SGCZ: variants seen among roughly 807,000 people sequenced by gnomAD.
SGCZ encodes the protein sarcoglycan zeta.
SGCZ carries 40 observed loss-of-function variants against 41.3 expected under a neutral mutation model. The ratio of observed to expected loss-of-function variants is 0.97; its 90% CI spans 0.75 to 1.26. SGCZ has a LOEUF of 1.26. Among genes scored for constraint, SGCZ ranks in the 50% most tolerant of loss-of-function variants. The probability of loss-of-function intolerance (pLI) is 0.00; values close to 1 mark genes in which losing one functional copy is unlikely to be tolerated. For missense variants in SGCZ, 552 were observed against 369.8 expected (o/e 1.49, Z -4.04); for synonymous variants, 206 against 137.5 (o/e 1.50, Z -3.49).
At chr8:14,584,769 A>G (rs1392457217) in intron 1 of SGCZ, among the ~76,000 whole-genome samples, 3 of 152,104 alleles carry the variant, frequency 2.0e-5, no homozygotes, top group African/African-American at 7.2e-5. Context: ...AACAGTTATT[A>G]AACACATTTT....
intron 2 of SGCZ, among the ~76,000 whole-genome samples, chr8:14,469,821 G>A (rs1384853465): frequency 6.6e-6 from 1 of 152,160 alleles, no homozygotes; most frequent in Non-Finnish European, 1.5e-5. Context: ...AGCTTCTGAA[G>A]AGCTGAACAC....
At chr8:14,219,931 A>G (rs1806134830) in intron 4 of SGCZ, among the ~76,000 whole-genome samples, 1 of 152,216 alleles carries the variant, frequency 6.6e-6, no homozygotes, top group Non-Finnish European at 1.5e-5. Context: ...CCCTAAGCAC[A>G]GATTTTAATC....
chr8:14,542,599 C>T (rs945527961), intron 2 of SGCZ, among the ~76,000 whole-genome samples: 1 of 152,018 alleles, frequency 6.6e-6, no homozygotes, highest in African/African-American at 2.4e-5. Flanking sequence ...TATTTCTGAA[C>T]TAGGGGCAGT....
intron 2 of SGCZ, among the ~76,000 whole-genome samples, chr8:14,502,927 G>A (rs1390832242): frequency 2.0e-5 from 3 of 152,120 alleles, no homozygotes; most frequent in East Asian, 1.9e-4. Context: ...CCATTTGACC[G>A]AGTAATCTCG....
intron 2 of SGCZ, among the ~76,000 whole-genome samples, chr8:14,350,715 G>C (rs756866610): frequency 6.6e-6 from 1 of 151,964 alleles, no homozygotes; most frequent in Non-Finnish European, 1.5e-5. Flanking sequence ...TCTGTCCAAT[G>C]CTCCTTCTTT....
chr8:15,007,173 A>C (rs1159664613), intron 1 of SGCZ, among the ~76,000 whole-genome samples: 1 of 152,206 alleles, frequency 6.6e-6, no homozygotes, highest in African/African-American at 2.4e-5. Flanking sequence ...AAGCTCCATT[A>C]TATAGTTAAT....
chr8:14,190,605 C>CT (rs1296497157), intron 4 of SGCZ, among the ~76,000 whole-genome samples: 2 of 151,446 alleles, frequency 1.3e-5, no homozygotes, highest in African/African-American at 2.4e-5. Flanking sequence ...CTCTTAATTT[C>CT]TTTTTTTGTT....
At chr8:14,930,429 G>C (rs1445174964) in intron 1 of SGCZ, among the ~76,000 whole-genome samples, 1 of 152,050 alleles carries the variant, frequency 6.6e-6, no homozygotes, top group Non-Finnish European at 1.5e-5. Context: ...ACAGTGTGGA[G>C]ATTCCTCAAG....
At chr8:14,497,341 G>A (rs1482066477) in intron 2 of SGCZ, among the ~76,000 whole-genome samples, 1 of 152,096 alleles carries the variant, frequency 6.6e-6, no homozygotes, top group Non-Finnish European at 1.5e-5. Flanking sequence ...AGAGAAAGAA[G>A]GGAGAGGTCC....
intron 3 of SGCZ, among the ~76,000 whole-genome samples, chr8:14,306,243 A>G (rs1448405079): frequency 6.6e-6 from 1 of 152,198 alleles, no homozygotes; most frequent in African/African-American, 2.4e-5. Flanking sequence ...AAAGCAAAAT[A>G]TTAAATTCAA....
At chr8:14,412,094 T>G (rs1405829234) in intron 2 of SGCZ, among the ~76,000 whole-genome samples, 3 of 152,122 alleles carry the variant, frequency 2.0e-5, no homozygotes, top group Admixed American at 6.6e-5. Flanking sequence ...AAGATTGATT[T>G]GCAGAAAAGA....
chr8:14,710,369 CAAAAAA>C (rs770994264), intron 1 of SGCZ, among the ~76,000 whole-genome samples: 50 of 92,406 alleles, frequency 5.4e-4, no homozygotes, highest in African/African-American at 1.6e-3. Context: ...GACTCCGCAT[CAAAAAA>C]AAAAAAAAAA....
At chr8:15,088,136 A>T (rs1306114846) in intron 1 of SGCZ, among the ~76,000 whole-genome samples, 1 of 152,162 alleles carries the variant, frequency 6.6e-6, no homozygotes, top group Non-Finnish European at 1.5e-5. Context: ...GCAGTGCAAT[A>T]TGCATGATAC....
intron 1 of SGCZ, among the ~76,000 whole-genome samples, chr8:14,754,640 G>C (rs1053895089): frequency 1.9e-4 from 29 of 152,164 alleles, no homozygotes; most frequent in Non-Finnish European, 1.5e-5. Flanking sequence ...TATAATTGCA[G>C]AATAAATAAT....
Position 14,816,342 on chromosome 8 carries a change from C to A in SGCZ, c.40-261416G>T, listed in dbSNP as rs115649594. ...TTACCAGCCCACAGTTCCTTAAAAA[C>A]TTTTACAACACTTTGACAATTAGTT... On this transcript the variant is annotated intron_variant, in intron 1 of 7. Coordinates refer to ENST00000382080, the MANE Select transcript of SGCZ (RefSeq NM_139167.4). Among the ~76,000 whole-genome samples the A allele has an allele frequency of 7.8e-3, 1,193 of 152,290 alleles. 15 individuals are homozygous for A. The highest frequency in any genetic ancestry group is 0.027 in the African/African-American group (1,114 of 41,552).
At chr8:14,857,047 T>A (rs1563318924) in intron 1 of SGCZ, among the ~76,000 whole-genome samples, 2 of 152,130 alleles carry the variant, frequency 1.3e-5, no homozygotes, top group Non-Finnish European at 2.9e-5. Flanking sequence ...TTCTCATGAA[T>A]GGTTTAGCAC....
At chr8:14,157,341 T>TGC (rs1491017484) in intron 5 of SGCZ, among the ~76,000 whole-genome samples, 1 of 63,450 alleles carries the variant, frequency 1.6e-5, no homozygotes, top group African/African-American at 4.7e-5. Flanking sequence ...TGCCTCTGTG[T>TGC]GTGTGTGTGT....
intron 1 of SGCZ, among the ~76,000 whole-genome samples, chr8:14,620,486 A>T (rs1187266204): frequency 6.6e-6 from 1 of 152,126 alleles, no homozygotes; most frequent in South Asian, 2.1e-4. Context: ...AGAAACTACC[A>T]TCAGAGTGAA....
intron 4 of SGCZ, among the ~76,000 whole-genome samples, chr8:14,228,218 G>A (rs1490635727): frequency 6.6e-6 from 1 of 152,008 alleles, no homozygotes; most frequent in Non-Finnish European, 1.5e-5. Flanking sequence ...AATTATATAT[G>A]GAACTCCAAT....
Sources: allele counts gnomAD v4.1 joint callset (sites outside exome capture counted in the v4.1 genomes callset), GRCh38; gene constraint gnomAD v4.1.1; transcripts MANE v1.5; gene names NCBI Gene and HGNC (gene_info 2026-07-23, HGNC 2026-07-21).